FRMPD1: variants seen among roughly 807,000 people sequenced by gnomAD.
The protein encoded by FRMPD1 is FERM and PDZ domain containing 1.
Under a neutral mutation model 117.8 loss-of-function variants are expected in FRMPD1, and 76 were observed. The observed-to-expected ratio is 0.65, with a 90% confidence interval of 0.54 to 0.78. The LOEUF (loss-of-function observed/expected upper bound fraction) is 0.78. FRMPD1 is among the 30% of genes least tolerant of loss of function. FRMPD1 has a pLI of 0.00. For missense variants in FRMPD1, 1,786 were observed against 1,964.5 expected (o/e 0.91, Z 1.72); for synonymous variants, 783 against 770.4 (o/e 1.02, Z -0.27).
intron 1 of FRMPD1, among the ~76,000 whole-genome samples, chr9:37,686,235 G>A (rs1445653675): frequency 1.3e-5 from 2 of 152,242 alleles, no homozygotes; most frequent in African/African-American, 4.8e-5. Flanking sequence ...TTTGAATCCA[G>A]AAAAGAAGCT....
intron 4 of FRMPD1, among the ~76,000 whole-genome samples, chr9:37,709,278 A>G (rs1822823158): frequency 6.6e-6 from 1 of 150,860 alleles, no homozygotes; most frequent in African/African-American, 2.4e-5. Flanking sequence ...TTGAAGAGAT[A>G]TATATATATA....
intron 5 of FRMPD1, among the ~76,000 whole-genome samples, chr9:37,712,012 C>A (rs1251571875): frequency 6.6e-6 from 1 of 152,106 alleles, no homozygotes; most frequent in Admixed American, 6.5e-5. Flanking sequence ...AGAAAATTTT[C>A]ATTGTGAGAA....
chr9:37,636,731 A>T, the FRMPD1 span: 1 of 1,588,154 alleles, frequency 6.3e-7, no homozygotes, highest in South Asian at 1.2e-5. Flanking sequence ...GGTGCTGTCG[A>T]TCTTGAGATT....
chr9:37,687,756 A>G (rs1362972756), intron 1 of FRMPD1, among the ~76,000 whole-genome samples: 13 of 152,374 alleles, frequency 8.5e-5, no homozygotes, highest in Non-Finnish European at 1.8e-4. Context: ...CAGCAGAAAA[A>G]TAAGGAAAAA....
the FRMPD1 span, among the ~76,000 whole-genome samples, chr9:37,604,219 G>A: frequency 6.6e-6 from 1 of 152,156 alleles, no homozygotes; most frequent in South Asian, 2.1e-4. Context: ...TTATTTCAAA[G>A]TTTACCTTTC....
At chr9:37,735,761 T>C (rs1824091567) in intron 13 of FRMPD1, 27 bp downstream of exon 13, 1 of 1,568,720 alleles carries the variant, frequency 6.4e-7, no homozygotes, top group African/African-American at 1.4e-5. Flanking sequence ...AGATTCTGAA[T>C]TCAACTGCTG....
chr9:37,610,025 G>C, the FRMPD1 span, among the ~76,000 whole-genome samples: 1 of 152,110 alleles, frequency 6.6e-6, no homozygotes, highest in Admixed American at 6.6e-5. Context: ...AACTACCCCC[G>C]GCCAGCAGTC....
Position 37,746,640 on chromosome 9 carries a change from G to C in FRMPD1, c.4608G>C (p.Glu1536Asp), listed in dbSNP as rs1387840467. The C allele has an allele frequency of 6.2e-7, 1 of 1,613,962 alleles. No homozygotes were observed. The highest frequency in any genetic ancestry group is 8.5e-7 in the Non-Finnish European group (1 of 1,179,934). The change falls in exon 16 of 16, where the codon GAG becomes GAC. Residue 1536 changes from glutamate (E) to aspartate (D), a missense_variant. By Grantham distance (45) the Glu-to-Asp change is conservative. Transcript: ENST00000377765. ...DVVYTYHQFI[E>D]AAKSTCERGY... ...TGTACACCTACCATCAGTTTATAGAGGCTGCTAAATCGACCTGCGAGAGAG... is the reference window on the plus strand; with the variant it reads ...TGTACACCTACCATCAGTTTATAGACGCTGCTAAATCGACCTGCGAGAGAG...
intron 1 of FRMPD1, among the ~76,000 whole-genome samples, chr9:37,688,319 T>C (rs1033818296): frequency 4.6e-5 from 7 of 151,764 alleles, no homozygotes; most frequent in Admixed American, 1.3e-4. Context: ...GTCTAGTTTT[T>C]ATAAGAATAT....
intron 1 of FRMPD1, among the ~76,000 whole-genome samples, chr9:37,669,594 C>T (rs1427578360): frequency 6.6e-6 from 1 of 152,176 alleles, no homozygotes; most frequent in African/African-American, 2.4e-5. Flanking sequence ...GAGAGTTTCT[C>T]TGTTGCTGCT....
chr9:37,745,827 G>C lies in FRMPD1; in HGVS notation c.3795G>C (p.Glu1265Asp). 1 of 1,614,104 alleles carries C rather than the reference G, an allele frequency of 6.2e-7. No individual in the cohort carries two copies. Among genetic ancestry groups the C allele is most frequent in the African/African-American group, 1.3e-5 (1 of 75,012 alleles). ...CAGAACCACTACCATGTCCACAAGA[G>C]GATCCTCACTTAGAAACTTCAAACC... ...SLPEPLPCPQ[E>D]DPHLETSNHC... Residue 1265 changes from glutamate (E) to aspartate (D), a missense_variant, in exon 16 of 16, where the codon GAG (glutamate) becomes GAC (aspartate). Glu to Asp is a conservative substitution (Grantham distance 45). Coordinates refer to ENST00000377765, the MANE Select transcript of FRMPD1 (RefSeq NM_014907.3).
chr9:37,636,703 G>C, the FRMPD1 span: 1 of 1,564,742 alleles, frequency 6.4e-7, no homozygotes, highest in South Asian at 1.2e-5. Context: ...AACAACCACC[G>C]CCAGCCGGCT....
chr9:37,649,420 C>T (rs534678440), upstream of FRMPD1, among the ~76,000 whole-genome samples: 8 of 152,212 alleles, frequency 5.3e-5, no homozygotes, highest in Middle Eastern at 3.4e-3. Context: ...ACTACAAAGA[C>T]GGGTGAGGAA....
intron 14 of FRMPD1, among the ~76,000 whole-genome samples, chr9:37,739,333 C>T (rs10973514): frequency 0.13 from 19,156 of 152,068 alleles, 1,523 homozygotes; most frequent in South Asian, 0.22. Flanking sequence ...GGCTCTTCCC[C>T]GTAAGCAGGG....
Position 37,740,780 on chromosome 9 carries a change from T to A in FRMPD1, c.2252T>A (p.Leu751Gln). Reference protein sequence around the residue: ...GWTEAQPSSMLEPLALHPPLA... With the variant: ...GWTEAQPSSMQEPLALHPPLA... ...ACTGAGGCCCAGCCCAGTTCCATGC[T>A]GGAACCCCTGGCCCTGCACCCACCA... Residue 751 changes from leucine (L) to glutamine (Q), a missense_variant, in exon 15 of 16, where the codon CTG (leucine) becomes CAG (glutamine). Coordinates refer to ENST00000377765, the MANE Select transcript of FRMPD1 (RefSeq NM_014907.3). The surrounding 1 kb of genome is among the most constrained non-coding windows in gnomAD (Gnocchi z 4.2). The A allele has an allele frequency of 6.2e-7, 1 of 1,614,158 alleles. No individual in the cohort carries two copies. Among genetic ancestry groups the A allele is most frequent in the Non-Finnish European group, 8.5e-7 (1 of 1,179,994 alleles).
intron 1 of FRMPD1, among the ~76,000 whole-genome samples, chr9:37,681,374 G>C (rs751360657): frequency 6.6e-6 from 1 of 152,148 alleles, no homozygotes; most frequent in Non-Finnish European, 1.5e-5. Context: ...AGGGAAGAGA[G>C]GTTTGAAACT....
the FRMPD1 span, among the ~76,000 whole-genome samples, chr9:37,635,120 G>A: frequency 6.6e-6 from 1 of 152,168 alleles, no homozygotes; most frequent in African/African-American, 2.4e-5. Flanking sequence ...TTGCCATTAT[G>A]ACAGTGGAGA....
chr9:37,654,299 C>T (rs1159924297), intron 1 of FRMPD1, among the ~76,000 whole-genome samples: 1 of 152,118 alleles, frequency 6.6e-6, no homozygotes. Flanking sequence ...GGAGGGTGGT[C>T]AGGGCAGGCC....
rs984231394 is a variant in FRMPD1, at chr9:37,711,247, A to G, written c.363-103A>G. The G allele has an allele frequency of 5.3e-5, 42 of 793,076 alleles. No homozygotes were observed. In the African/African-American group the frequency reaches 6.1e-4, roughly 12 times the overall value. The allele number at this position is 793,076 out of a possible 1,614,324, so 49.1% of individuals were successfully genotyped here. A position where few individuals can be genotyped will look rare whatever the true frequency, so the allele number is the denominator to read the frequency against. On this transcript the variant is annotated intron_variant, in intron 4 of 15. Coordinates refer to ENST00000377765, the MANE Select transcript of FRMPD1 (RefSeq NM_014907.3). Reference sequence around the variant, plus strand: ...GAGGCTGCTTTATACTCATTCTGCCAGTCTTTTTGACCCTAACACACATGC... The same window carrying G: ...GAGGCTGCTTTATACTCATTCTGCCGGTCTTTTTGACCCTAACACACATGC...
Sources: allele counts gnomAD v4.1 joint callset (sites outside exome capture counted in the v4.1 genomes callset), GRCh38; gene constraint gnomAD v4.1.1; non-coding constraint Gnocchi (gnomAD v3.1); transcripts MANE v1.5; gene names NCBI Gene and HGNC (gene_info 2026-07-23, HGNC 2026-07-21).